The following ZNF385D variants were observed in gnomAD, a reference collection of about 807,000 sequenced individuals.
ZNF385D encodes the protein zinc finger protein 659.
Under a neutral mutation model 35.8 loss-of-function variants are expected in ZNF385D, and 15 were observed. That is an observed-to-expected ratio of 0.42 (90% CI 0.28 to 0.64). ZNF385D has a LOEUF of 0.64. Among genes scored for constraint, ZNF385D ranks in the 30% least tolerant of loss-of-function variants. The pLI, the probability that ZNF385D is intolerant of heterozygous loss-of-function variation, is 0.23. For missense variants in ZNF385D, 474 were observed against 494.6 expected, an observed-to-expected ratio of 0.96 and a Z score of 0.39; for synonymous variants, 212 against 186.8, an observed-to-expected ratio of 1.13 and a Z score of -1.10.
chr3:22,211,343 C>T (rs888641342), intron 2 of ZNF385D, among the ~76,000 whole-genome samples: 2 of 151,908 alleles, frequency 1.3e-5, no homozygotes, highest in East Asian at 3.9e-4. Flanking sequence ...TTTTCTCATC[C>T]TAGTCTCCCA....
At chr3:21,960,480 T>C (rs987010819) in intron 3 of ZNF385D, among the ~76,000 whole-genome samples, 5 of 152,070 alleles carry the variant, frequency 3.3e-5, no homozygotes, top group Admixed American at 2.6e-4. Flanking sequence ...CCTTGTACAC[T>C]GTTGGTGGAA....
chr3:22,251,627 G>A (rs1333724721), intron 2 of ZNF385D, among the ~76,000 whole-genome samples: 1 of 152,086 alleles, frequency 6.6e-6, no homozygotes, highest in African/African-American at 2.4e-5. Context: ...CATGTCAGTA[G>A]TGAATCCCTC....
chr3:22,140,035 A>C (rs148372150), intron 3 of ZNF385D, among the ~76,000 whole-genome samples: 4 of 152,300 alleles, frequency 2.6e-5, no homozygotes, highest in Admixed American at 2.0e-4. Flanking sequence ...CTTTGGATTC[A>C]TTGTGGCAGT....
At chr3:22,128,722 C>T (rs1468810877) in intron 3 of ZNF385D, among the ~76,000 whole-genome samples, 1 of 152,128 alleles carries the variant, frequency 6.6e-6, no homozygotes, top group Non-Finnish European at 1.5e-5. Context: ...TGAAGAGCAG[C>T]TCCAGAATTT....
At chr3:22,107,573 T>C (rs957135320) in intron 3 of ZNF385D, among the ~76,000 whole-genome samples, 1 of 152,188 alleles carries the variant, frequency 6.6e-6, no homozygotes, top group African/African-American at 2.4e-5. Flanking sequence ...CTTTAGTGAC[T>C]ACAAATTACA....
intron 3 of ZNF385D, among the ~76,000 whole-genome samples, chr3:21,842,750 C>A (rs1695758491): frequency 6.6e-6 from 1 of 152,056 alleles, no homozygotes. Context: ...AAGTACAATA[C>A]TTTCAGCTTT....
intron 2 of ZNF385D, among the ~76,000 whole-genome samples, chr3:22,271,086 T>G (rs1221145300): frequency 6.6e-6 from 1 of 151,976 alleles, no homozygotes; most frequent in South Asian, 2.1e-4. Context: ...CTCACTATCT[T>G]GAGCCAGAGA....
At chr3:21,947,291 T>A (rs2931211) in intron 3 of ZNF385D, among the ~76,000 whole-genome samples, 131,212 of 152,106 alleles carry the variant, frequency 0.86, 56,793 homozygotes, top group East Asian at 0.98. Flanking sequence ...ATGGTACAGT[T>A]AAGCCACTCT....
At chr3:21,773,680 T>A (rs972297002) in intron 3 of ZNF385D, among the ~76,000 whole-genome samples, 2 of 151,776 alleles carry the variant, frequency 1.3e-5, no homozygotes, top group African/African-American at 4.8e-5. Context: ...AAGCCCACCA[T>A]CCCTGATCAT....
chr3:22,163,872 A>G (rs1195774924), intron 3 of ZNF385D, among the ~76,000 whole-genome samples: 1 of 151,616 alleles, frequency 6.6e-6, no homozygotes, highest in African/African-American at 2.4e-5. Context: ...AAGAATTCCC[A>G]TATCTTTTTC....
intron 3 of ZNF385D, among the ~76,000 whole-genome samples, chr3:22,119,957 C>A (rs1391445260): frequency 6.6e-6 from 1 of 151,560 alleles, no homozygotes; most frequent in Non-Finnish European, 1.5e-5. Context: ...GCTGGGACCA[C>A]AGGCATGCTC....
intron 4 of ZNF385D, chr3:21,443,405 T>A: frequency 1.0e-6 from 1 of 962,498 alleles, no homozygotes; most frequent in Non-Finnish European, 1.2e-6. Context: ...TGCTCGGTCC[T>A]GAAAATTTTG....
chr3:21,421,267 C>G lies in ZNF385D; in HGVS notation c.1135G>C (p.Ala379Pro). The change falls in exon 8 of 8, where the codon GCT (alanine) becomes CCT (proline). Residue 379 changes from alanine (A) to proline (P), a missense_variant. Transcript: ENST00000281523. ...SALPPALLRP[A>P]PGPIRTAHTP... ...TGGGCGGTCCGAATGGGTCCAGGAGCTGGCCGCAGGAGTGCCGGAGGAAGC... is the reference window on the plus strand; with the variant it reads ...TGGGCGGTCCGAATGGGTCCAGGAGGTGGCCGCAGGAGTGCCGGAGGAAGC... 1 of 1,614,116 alleles carries G rather than the reference C, an allele frequency of 6.2e-7. No homozygotes were observed.
At chr3:22,218,404 A>G (rs978923332) in intron 2 of ZNF385D, among the ~76,000 whole-genome samples, 1 of 151,996 alleles carries the variant, frequency 6.6e-6, no homozygotes, top group Non-Finnish European at 1.5e-5. Flanking sequence ...ATTCTGTAAC[A>G]TCATAAATTA....
At chr3:22,076,031 C>A (rs1700447062) in intron 3 of ZNF385D, among the ~76,000 whole-genome samples, 1 of 151,898 alleles carries the variant, frequency 6.6e-6, no homozygotes, top group Admixed American at 6.6e-5. Context: ...ATTCATCCAG[C>A]TTTGTCTCCC....
Position 21,412,293 on chromosome 3 carries a change from C to T in ZNF385D, c.*8921G>A, listed in dbSNP as rs141791777. 6 of 152,124 alleles carry T rather than the reference C, an allele frequency of 3.9e-5. No individual in the cohort carries two copies. Among genetic ancestry groups the T allele is most frequent in the African/African-American group, 1.2e-4 (5 of 41,522 alleles). The allele number at this position is 152,124 out of a possible 1,614,324, so 9.4% of individuals were successfully genotyped here. A position where few individuals can be genotyped will look rare whatever the true frequency, so the allele number is the denominator to read the frequency against. On this transcript the variant is annotated 3_prime_UTR_variant, in exon 8 of 8. Coordinates refer to ENST00000281523, the MANE Select transcript of ZNF385D (RefSeq NM_024697.3). ...TTGATAAATAGTCATGAGACGTGTT[C>T]TGTGAGTCACTACAATTCTCACTTG...
At chr3:21,989,985 CCTAT>C (rs886631908) in intron 3 of ZNF385D, among the ~76,000 whole-genome samples, 22 of 152,166 alleles carry the variant, frequency 1.4e-4, no homozygotes, top group African/African-American at 3.9e-4. Flanking sequence ...ACAATTTCCA[CCTAT>C]CTGTTTTATT....
intron 5 of ZNF385D, among the ~76,000 whole-genome samples, chr3:21,434,984 T>A (rs970557360): frequency 5.9e-5 from 9 of 152,128 alleles, no homozygotes; most frequent in Admixed American, 5.9e-4. Flanking sequence ...TTATAATAGT[T>A]CTCAGCTCTG....
chr3:22,214,157 C>A (rs1014966840), intron 2 of ZNF385D, among the ~76,000 whole-genome samples: 9 of 152,080 alleles, frequency 5.9e-5, no homozygotes, highest in Non-Finnish European at 1.0e-4. Flanking sequence ...TAAATTAATA[C>A]TTTTATAATT....
Sources: allele counts gnomAD v4.1 joint callset (sites outside exome capture counted in the v4.1 genomes callset), GRCh38; gene constraint gnomAD v4.1.1; transcripts MANE v1.5; gene names NCBI Gene and HGNC (gene_info 2026-07-23, HGNC 2026-07-21).